The following MACROD2 variants were observed in gnomAD, a reference collection of about 807,000 sequenced individuals.
The protein encoded by MACROD2 is ADP-ribose glycohydrolase MACROD2.
Under a neutral mutation model 70.4 loss-of-function variants are expected in MACROD2, and 36 were observed. The ratio of observed to expected loss-of-function variants is 0.51; its 90% CI spans 0.39 to 0.68. The LOEUF is 0.68. MACROD2 is among the 30% of genes least tolerant of loss of function. MACROD2 has a pLI of 0.00. For synonymous variants in MACROD2, 172 were observed against 178.8 expected (o/e 0.96, Z 0.30); for missense variants, 496 against 538.4 (o/e 0.92, Z 0.78).
intron 4 of MACROD2, among the ~76,000 whole-genome samples, chr20:14,608,688 C>T (rs113964199): frequency 8.5e-5 from 13 of 152,140 alleles, no homozygotes; most frequent in East Asian, 1.9e-4. Context: ...GAGGGGAGAG[C>T]GACAAGTGTC....
chr20:14,838,725 C>G (rs2073056370), intron 5 of MACROD2, among the ~76,000 whole-genome samples: 1 of 152,092 alleles, frequency 6.6e-6, no homozygotes, highest in Admixed American at 6.6e-5. Flanking sequence ...TGTTCACTGT[C>G]CCTTATGAGC....
At chr20:14,721,881 C>A (rs1453751676) in intron 5 of MACROD2, among the ~76,000 whole-genome samples, 6 of 152,154 alleles carry the variant, frequency 3.9e-5, no homozygotes, top group Non-Finnish European at 7.4e-5. Flanking sequence ...GCAGTGACCT[C>A]TCTAATCCTC....
chr20:14,596,905 G>A (rs1348658742), intron 4 of MACROD2, among the ~76,000 whole-genome samples: 2 of 152,096 alleles, frequency 1.3e-5, no homozygotes, highest in Non-Finnish European at 2.9e-5. Flanking sequence ...GTTATCATTT[G>A]AACATTTCAT....
chr20:13,996,386 G>T (rs568352493), intron 1 of MACROD2: 1 of 161,516 alleles, frequency 6.2e-6, no homozygotes, highest in African/African-American at 2.4e-5. Context: ...TTGAAACCTG[G>T]AACTCTAGGG....
At position 15,102,965 on chromosome 20, in the gene MACROD2, A is replaced by G. The variant is rs565420151; in HGVS notation, c.419-126975A>G. 3.9e-4 allele frequency among the ~76,000 whole-genome samples: 59 copies of G among 152,274 alleles called. 2 individuals are homozygous for G. The East Asian group carries it at 0.011, about 29-fold the overall frequency. ...AAACTATTTACATTATGATGCCTTT[A>G]TAAAATGTTTAAAACATACAGTGAT... On this transcript the variant is annotated intron_variant, in intron 5 of 17. Transcript: ENST00000684519.
intron 5 of MACROD2, among the ~76,000 whole-genome samples, chr20:15,099,956 A>T (rs398624): frequency 0.33 from 50,537 of 151,910 alleles, 10,399 homozygotes; most frequent in Non-Finnish European, 0.46. Flanking sequence ...AATTCAAAAG[A>T]AAAAGAAAAA....
At chr20:15,576,742 T>C (rs750106516) in intron 8 of MACROD2, among the ~76,000 whole-genome samples, 7 of 152,184 alleles carry the variant, frequency 4.6e-5, no homozygotes, top group Non-Finnish European at 1.0e-4. Flanking sequence ...AAATACCCTT[T>C]TGAGTTTCTC....
intron 8 of MACROD2, among the ~76,000 whole-genome samples, chr20:15,653,388 AG>A (rs2049676194): frequency 6.6e-6 from 1 of 152,246 alleles, no homozygotes; most frequent in Non-Finnish European, 1.5e-5. Flanking sequence ...CATGTCAACA[AG>A]TATGGGCAGA....
At chr20:14,845,648 T>C (rs1248033356) in intron 5 of MACROD2, among the ~76,000 whole-genome samples, 3 of 151,988 alleles carry the variant, frequency 2.0e-5, no homozygotes, top group African/African-American at 7.2e-5. Context: ...CTGGATATGT[T>C]TGATCATTAG....
chr20:14,361,789 G>A (rs1197451713), intron 3 of MACROD2, among the ~76,000 whole-genome samples: 1 of 152,204 alleles, frequency 6.6e-6, no homozygotes, highest in African/African-American at 2.4e-5. Context: ...AATAGCTGAT[G>A]TGGCACCCAA....
At chr20:15,819,168 C>T (rs1281728870) in intron 8 of MACROD2, among the ~76,000 whole-genome samples, 1 of 135,368 alleles carries the variant, frequency 7.4e-6, no homozygotes, top group African/African-American at 2.7e-5. Flanking sequence ...TGGATGAATG[C>T]ACAAAGAAAA....
chr20:14,869,673 A>C (rs185979064), intron 5 of MACROD2, among the ~76,000 whole-genome samples: 42 of 152,244 alleles, frequency 2.8e-4, no homozygotes, highest in Admixed American at 1.2e-3. Flanking sequence ...GGAAAGCCAA[A>C]CCCCTTTTCT....
chr20:16,036,134 T>A (rs1345438854), intron 15 of MACROD2, among the ~76,000 whole-genome samples: 1 of 152,014 alleles, frequency 6.6e-6, no homozygotes, highest in African/African-American at 2.4e-5. Context: ...TTTAATTCAA[T>A]ACAATTGAAT....
intron 2 of MACROD2, among the ~76,000 whole-genome samples, chr20:14,064,638 A>G (rs1391884955): frequency 6.6e-6 from 1 of 152,154 alleles, no homozygotes; most frequent in African/African-American, 2.4e-5. Context: ...CCACAGTCTT[A>G]GTTCAGGCGA....
intron 5 of MACROD2, among the ~76,000 whole-genome samples, chr20:14,713,482 T>C (rs940391021): frequency 6.6e-6 from 1 of 152,140 alleles, no homozygotes; most frequent in African/African-American, 2.4e-5. Context: ...AAAATTACTC[T>C]GGCAGTTTTA....
chr20:15,429,748 G>C (rs2046341746), intron 6 of MACROD2, among the ~76,000 whole-genome samples: 1 of 151,968 alleles, frequency 6.6e-6, no homozygotes. Flanking sequence ...AAAAAATTCT[G>C]TCATTAATTC....
chr20:15,500,976 A>G (rs902474323), intron 8 of MACROD2, among the ~76,000 whole-genome samples: 2 of 152,158 alleles, frequency 1.3e-5, no homozygotes, highest in African/African-American at 2.4e-5. Flanking sequence ...GACACATTTT[A>G]TTTTCTTTTC....
At chr20:15,030,932 C>G (rs1354360602) in intron 5 of MACROD2, among the ~76,000 whole-genome samples, 1 of 152,134 alleles carries the variant, frequency 6.6e-6, no homozygotes, top group Non-Finnish European at 1.5e-5. Context: ...TTTGCTTGGG[C>G]CTGCTGGGCT....
chr20:14,739,809 A>G (rs1305424137), intron 5 of MACROD2, among the ~76,000 whole-genome samples: 1 of 152,078 alleles, frequency 6.6e-6, no homozygotes, highest in African/African-American at 2.4e-5. Context: ...ATATTCACAT[A>G]ATAAAAGACC....
Sources: gnomAD v4.1 joint callset for allele counts (sites outside exome capture counted in the v4.1 genomes callset) on GRCh38, gnomAD v4.1.1 for gene constraint, MANE v1.5 for transcripts, NCBI Gene and HGNC (gene_info 2026-07-23, HGNC 2026-07-21) for gene names.